Variants in SEMA3D observed in about 807,000 individuals in gnomAD.
SEMA3D encodes semaphorin-3D.
Under a neutral mutation model 100.1 loss-of-function variants are expected in SEMA3D, and 84 were observed. That is an observed-to-expected ratio of 0.84 (90% CI 0.70 to 1.01). The LOEUF is 1.01. Among genes scored for constraint, SEMA3D ranks in the 50% least tolerant of loss-of-function variants. The probability of loss-of-function intolerance (pLI) is 0.00; values close to 1 mark genes in which losing one functional copy is unlikely to be tolerated. For missense variants in SEMA3D, 875 were observed against 934.1 expected (o/e 0.94, Z 0.82); for synonymous variants, 312 against 320.7 (o/e 0.97, Z 0.29).
At chr7:85,095,762 T>C (rs1389359817) in intron 4 of SEMA3D, among the ~76,000 whole-genome samples, 1 of 152,034 alleles carries the variant, frequency 6.6e-6, no homozygotes, top group Non-Finnish European at 1.5e-5. Flanking sequence ...TAAAGAAATA[T>C]CAGTTATGTA....
chr7:85,141,187 T>C lies in SEMA3D; in HGVS notation c.-41+12421A>G, dbSNP rs189752854. Reference sequence around the variant, plus strand: ...TTATAACTAGTTGCAGCACTATCATTTTTAATATAGCACACATATTAACCC... The same window carrying C: ...TTATAACTAGTTGCAGCACTATCATCTTTAATATAGCACACATATTAACCC... On this transcript the variant is annotated intron_variant, in intron 2 of 18. Transcript: ENST00000284136. 119 of 983,234 alleles carry C rather than the reference T, an allele frequency of 1.2e-4. No individual in the cohort carries two copies. The African/African-American group carries it at 2.0e-3, about 16-fold the overall frequency. 60.9% of individuals were successfully genotyped at this position (983,234 alleles called of 1,614,324 possible).
chr7:85,026,610 G>A (rs150936177), intron 12 of SEMA3D, among the ~76,000 whole-genome samples: 8 of 151,984 alleles, frequency 5.3e-5, no homozygotes, highest in Non-Finnish European at 8.8e-5. Context: ...TTAATAGAAA[G>A]TTCTGGATAT....
intron 4 of SEMA3D, among the ~76,000 whole-genome samples, chr7:85,090,085 T>C (rs1788340893): frequency 6.6e-6 from 1 of 152,298 alleles, no homozygotes; most frequent in South Asian, 2.1e-4. Flanking sequence ...CTCTAATCCA[T>C]GACTTACTGA....
chr7:85,192,555 T>C, the SEMA3D span, among the ~76,000 whole-genome samples: 2 of 152,096 alleles, frequency 1.3e-5, no homozygotes, highest in African/African-American at 4.8e-5. Flanking sequence ...AAAGAATAAA[T>C]GCAACTTCTC....
intron 4 of SEMA3D, among the ~76,000 whole-genome samples, chr7:85,084,254 T>C (rs1583906978): frequency 6.6e-6 from 1 of 152,224 alleles, no homozygotes; most frequent in African/African-American, 2.4e-5. Context: ...ACTGGTCCAA[T>C]TTTATTATTA....
At chr7:85,045,832 A>G (rs1184468857) in intron 9 of SEMA3D, among the ~76,000 whole-genome samples, 1 of 151,926 alleles carries the variant, frequency 6.6e-6, no homozygotes, top group Non-Finnish European at 1.5e-5. Flanking sequence ...CTCTTGATTT[A>G]GATCTGTTTA....
intron 1 of SEMA3D, among the ~76,000 whole-genome samples, chr7:85,176,341 T>C (rs1248608809): frequency 6.6e-6 from 1 of 152,198 alleles, no homozygotes; most frequent in Admixed American, 6.5e-5. Flanking sequence ...GACACTTCTA[T>C]TGTTTCAGAA....
intron 2 of SEMA3D, among the ~76,000 whole-genome samples, chr7:85,123,220 T>A (rs907297484): frequency 1.9e-4 from 29 of 152,082 alleles, no homozygotes; most frequent in Non-Finnish European, 3.7e-4. Context: ...TATGGTAGAA[T>A]CTAGTGATCT....
At chr7:85,102,971 C>T (rs1419299231) in intron 3 of SEMA3D, among the ~76,000 whole-genome samples, 1 of 152,026 alleles carries the variant, frequency 6.6e-6, no homozygotes, top group African/African-American at 2.4e-5. Flanking sequence ...TGCCCTGTGA[C>T]AATGCTAGCA....
chr7:85,026,007 C>G (rs1790381854), intron 12 of SEMA3D, among the ~76,000 whole-genome samples: 1 of 151,954 alleles, frequency 6.6e-6, no homozygotes. Flanking sequence ...TGTTTGCCCT[C>G]TGGAAAATAA....
intron 4 of SEMA3D, among the ~76,000 whole-genome samples, chr7:85,090,619 A>G (rs1220413380): frequency 1.3e-5 from 2 of 152,252 alleles, no homozygotes; most frequent in East Asian, 1.9e-4. Context: ...TTCTTTTCCC[A>G]CTATGTAATA....
At chr7:85,120,764 G>A (rs1291477421) in intron 3 of SEMA3D, among the ~76,000 whole-genome samples, 1 of 150,494 alleles carries the variant, frequency 6.6e-6, no homozygotes, top group Non-Finnish European at 1.5e-5. Context: ...AAACGTCCTA[G>A]ATTACCAAAA....
chr7:85,156,860 C>T (rs938412826), intron 1 of SEMA3D, among the ~76,000 whole-genome samples: 3 of 152,098 alleles, frequency 2.0e-5, no homozygotes, highest in African/African-American at 7.2e-5. Flanking sequence ...TCTTATAGCC[C>T]ACAGACAGTT....
intron 3 of SEMA3D, among the ~76,000 whole-genome samples, chr7:85,099,253 T>C (rs1409390467): frequency 1.3e-5 from 2 of 151,798 alleles, no homozygotes; most frequent in African/African-American, 2.4e-5. Flanking sequence ...CGGTGGGAGA[T>C]CATTGAATCA....
In SEMA3D at chr7:85,153,132, T is replaced by A. The variant is rs116230351; in HGVS notation, c.-41+476A>T. ...CAGTCCTCCCTGCAGAGCCCTACTA[T>A]ACAAAAAGACTGCCTTTGGTATAAG... On this transcript the variant is annotated intron_variant, in intron 2 of 18. Coordinates refer to ENST00000284136, the MANE Select transcript of SEMA3D (RefSeq NM_001384900.1). Among the ~76,000 whole-genome samples the A allele has an allele frequency of 3.7e-3, 570 of 152,210 alleles. 4 individuals carry two copies. Among genetic ancestry groups the A allele is most frequent in the African/African-American group, 0.013 (550 of 41,542 alleles).
At chr7:85,019,054 ATT>A (rs1562784986) in intron 14 of SEMA3D, among the ~76,000 whole-genome samples, 1 of 151,726 alleles carries the variant, frequency 6.6e-6, no homozygotes. Context: ...ATCAAATAGC[ATT>A]TTTGTTATCA....
intron 4 of SEMA3D, among the ~76,000 whole-genome samples, chr7:85,092,458 C>T (rs1024031793): frequency 3.3e-5 from 5 of 151,928 alleles, no homozygotes; most frequent in Non-Finnish European, 7.4e-5. Flanking sequence ...AGTGTAGTCA[C>T]TTATAAAGTA....
At chr7:85,083,658 C>T (rs962988228) in intron 4 of SEMA3D, among the ~76,000 whole-genome samples, 1 of 150,802 alleles carries the variant, frequency 6.6e-6, no homozygotes, top group African/African-American at 2.4e-5. Flanking sequence ...TCCTGGCTAA[C>T]ACGGTGAAAC....
intron 9 of SEMA3D, among the ~76,000 whole-genome samples, chr7:85,053,243 A>G (rs544750895): frequency 6.6e-6 from 1 of 152,116 alleles, no homozygotes; most frequent in East Asian, 1.9e-4. Context: ...AGTGAAGCAT[A>G]CACAGTTTAC....
Sources: gnomAD v4.1 joint callset for allele counts (sites outside exome capture counted in the v4.1 genomes callset) on GRCh38, gnomAD v4.1.1 for gene constraint, MANE v1.5 for transcripts, NCBI Gene and HGNC (gene_info 2026-07-23, HGNC 2026-07-21) for gene names.